Variants in TRPS1 observed in about 807,000 individuals in gnomAD.
TRPS1 encodes the protein zinc finger transcription factor Trps1.
Under a neutral mutation model 101.2 loss-of-function variants are expected in TRPS1, and 6 were observed. The observed-to-expected ratio is 0.06, with a 90% CI of 0.03 to 0.12. TRPS1 has a LOEUF of 0.12. TRPS1 is among the 10% of genes least tolerant of loss of function. TRPS1 has a pLI of 1.00. For missense variants in TRPS1, 1,363 were observed against 1,567.0 expected (o/e 0.87, Z 2.20); for synonymous variants, 578 against 589.8 (o/e 0.98, Z 0.29).
chr8:115,611,116 CAAAA>C (rs752834152), intron 3 of TRPS1, among the ~76,000 whole-genome samples: 4 of 64,960 alleles, frequency 6.2e-5, no homozygotes, highest in Non-Finnish European at 1.0e-4. Flanking sequence ...GACTCCATAT[CAAAA>C]AAAAAAAAAA....
At chr8:115,464,345 G>C (rs1814266243) in intron 5 of TRPS1, among the ~76,000 whole-genome samples, 1 of 152,056 alleles carries the variant, frequency 6.6e-6, no homozygotes, top group Non-Finnish European at 1.5e-5. Context: ...AGTGTTCTGT[G>C]ACCTGTTTAT....
At chr8:115,629,874 A>T (rs1387473427) in intron 1 of TRPS1, among the ~76,000 whole-genome samples, 1 of 151,932 alleles carries the variant, frequency 6.6e-6, no homozygotes, top group Non-Finnish European at 1.5e-5. Flanking sequence ...TGAAGGACAG[A>T]AAACCAATGC....
intron 3 of TRPS1, among the ~76,000 whole-genome samples, chr8:115,613,128 C>T (rs979977373): frequency 1.3e-5 from 2 of 152,246 alleles, no homozygotes; most frequent in East Asian, 1.9e-4. Flanking sequence ...AAGTCAAACA[C>T]CTGGATGAAA....
chr8:115,570,678 C>A (rs1396042636), intron 5 of TRPS1, among the ~76,000 whole-genome samples: 6 of 91,182 alleles, frequency 6.6e-5, no homozygotes, highest in South Asian at 4.4e-4. Flanking sequence ...TCAAAAAAAA[C>A]ACACACACAC....
intron 4 of TRPS1, among the ~76,000 whole-genome samples, chr8:115,589,787 C>A (rs181976148): frequency 6.6e-6 from 1 of 152,202 alleles, no homozygotes. Context: ...GGACCTAGAA[C>A]CTCTGTGGAG....
intron 1 of TRPS1, among the ~76,000 whole-genome samples, chr8:115,663,735 A>AC (rs898763408): frequency 6.6e-6 from 1 of 151,418 alleles, no homozygotes; most frequent in African/African-American, 2.4e-5. Flanking sequence ...AAAAAAAAAA[A>AC]AAAAAAAACT....
chr8:115,485,366 C>G (rs148974858), intron 5 of TRPS1, among the ~76,000 whole-genome samples: 3 of 152,200 alleles, frequency 2.0e-5, no homozygotes, highest in African/African-American at 7.2e-5. Context: ...CACGGCCCAG[C>G]TGACATCTCA....
chr8:115,426,329 T>C (rs1050794887), intron 5 of TRPS1, among the ~76,000 whole-genome samples: 6 of 152,086 alleles, frequency 3.9e-5, no homozygotes, highest in African/African-American at 1.2e-4. Context: ...AATAAGCAGA[T>C]TTATTCTGGG....
At chr8:115,643,426 T>C (rs563267010) in intron 1 of TRPS1, among the ~76,000 whole-genome samples, 5 of 152,246 alleles carry the variant, frequency 3.3e-5, no homozygotes, top group Admixed American at 3.3e-4. Flanking sequence ...ATTTTGACAA[T>C]GTTCACAGCA....
chr8:115,487,236 T>C (rs1354743932), intron 5 of TRPS1, among the ~76,000 whole-genome samples: 2 of 151,272 alleles, frequency 1.3e-5, no homozygotes, highest in Non-Finnish European at 3.0e-5. Flanking sequence ...TTGAAGCCCA[T>C]TGTTGAGACC....
At chr8:115,667,042 T>TA (rs2130641315) in intron 1 of TRPS1, among the ~76,000 whole-genome samples, 1 of 152,372 alleles carries the variant, frequency 6.6e-6, no homozygotes, top group African/African-American at 2.4e-5. Context: ...TATTCTATCA[T>TA]AATTTAGATT....
At chr8:115,578,941 C>A (rs1817382145) in intron 5 of TRPS1, among the ~76,000 whole-genome samples, 1 of 151,988 alleles carries the variant, frequency 6.6e-6, no homozygotes, top group Non-Finnish European at 1.5e-5. Context: ...TATTAGCAAA[C>A]CATATTGAAC....
chr8:115,628,384 A>T (rs1818556393), intron 1 of TRPS1, among the ~76,000 whole-genome samples: 2 of 151,574 alleles, frequency 1.3e-5, no homozygotes, highest in African/African-American at 4.8e-5. Flanking sequence ...TTTAGTGCCA[A>T]CTCCTTATTT....
intron 5 of TRPS1, among the ~76,000 whole-genome samples, chr8:115,525,787 T>C (rs573817449): frequency 3.3e-5 from 5 of 152,334 alleles, no homozygotes; most frequent in African/African-American, 4.8e-5. Context: ...GCACATACTA[T>C]AGAAAATTTC....
chr8:115,463,019 G>C (rs1814226220), intron 5 of TRPS1, among the ~76,000 whole-genome samples: 1 of 152,058 alleles, frequency 6.6e-6, no homozygotes, highest in East Asian at 1.9e-4. Context: ...GTAAACTAAG[G>C]GCAATAACAG....
At chr8:115,476,625 A>G (rs1352661526) in intron 5 of TRPS1, among the ~76,000 whole-genome samples, 1 of 152,216 alleles carries the variant, frequency 6.6e-6, no homozygotes, top group Non-Finnish European at 1.5e-5. Context: ...CTGATTGAAA[A>G]TGCAAGGCAG....
At chr8:115,435,909 T>G (rs1813437253) in intron 5 of TRPS1, among the ~76,000 whole-genome samples, 1 of 151,694 alleles carries the variant, frequency 6.6e-6, no homozygotes, top group South Asian at 2.1e-4. Context: ...CATGAAGCAA[T>G]TAAGAGAACG....
intron 5 of TRPS1, among the ~76,000 whole-genome samples, chr8:115,580,867 T>C (rs1817432126): frequency 6.6e-6 from 1 of 152,004 alleles, no homozygotes; most frequent in Non-Finnish European, 1.5e-5. Flanking sequence ...CAAACAGAGC[T>C]ACATACATGA....
intron 5 of TRPS1, among the ~76,000 whole-genome samples, chr8:115,446,389 C>T (rs1464781210): frequency 6.6e-6 from 1 of 151,186 alleles, no homozygotes; most frequent in African/African-American, 2.4e-5. Context: ...ACACTTTTCA[C>T]CTGCACCAGC....
Sources: gnomAD v4.1 joint callset for allele counts (sites outside exome capture counted in the v4.1 genomes callset) on GRCh38, gnomAD v4.1.1 for gene constraint, MANE v1.5 for transcripts, NCBI Gene and HGNC (gene_info 2026-07-23, HGNC 2026-07-21) for gene names.